KDM8: variants seen among roughly 807,000 people sequenced by gnomAD.
The protein encoded by KDM8 is lysine demethylase 8.
In KDM8, 35 loss-of-function variants were observed where a neutral mutation model predicts 46.9. The ratio of observed to expected loss-of-function variants is 0.75; its 90% CI spans 0.57 to 0.99. The LOEUF (loss-of-function observed/expected upper bound fraction) is 0.99. Ranked by LOEUF, KDM8 falls within the 50% of genes least tolerant of loss-of-function variation. The probability of loss-of-function intolerance (pLI) is 0.00; values close to 1 mark genes in which losing one functional copy is unlikely to be tolerated. For synonymous variants in KDM8, 232 were observed against 227.7 expected (o/e 1.02, Z -0.17); for missense variants, 475 against 537.0 (o/e 0.88, Z 1.14).
At chr16:27,209,052 G>A (rs773856358) in intron 1 of KDM8, among the ~76,000 whole-genome samples, 1 of 152,166 alleles carries the variant, frequency 6.6e-6, no homozygotes, top group Non-Finnish European at 1.5e-5. Flanking sequence ...GCTTAACCTC[G>A]AAATCTCAGT....
intron 1 of KDM8, chr16:27,206,226 C>T (rs2140960925): frequency 1.0e-6 from 1 of 983,946 alleles, no homozygotes; most frequent in Non-Finnish European, 1.2e-6. Flanking sequence ...TTGACTCCCT[C>T]CTTTGGAAGC....
chr16:27,210,979 A>C (rs895755562), intron 2 of KDM8, among the ~76,000 whole-genome samples: 5 of 152,086 alleles, frequency 3.3e-5, no homozygotes, highest in Admixed American at 1.3e-4. Flanking sequence ...ATAGGGTCTC[A>C]TGTTTCTCAG....
chr16:27,213,844 C>A, intron 3 of KDM8, 93 bp downstream of exon 3: 3 of 1,313,886 alleles, frequency 2.3e-6, no homozygotes, highest in Non-Finnish European at 2.1e-6. Context: ...CAGGGAAATG[C>A]AACCTTGTAG....
intron 2 of KDM8, chr16:27,211,331 G>A (rs1352265743): frequency 5.1e-6 from 2 of 395,796 alleles, no homozygotes; most frequent in Non-Finnish European, 1.0e-5. Context: ...CTCTGCTCCT[G>A]GGTTTGGATG....
At chr16:27,211,240 G>C in intron 2 of KDM8, 2 of 446,148 alleles carry the variant, frequency 4.5e-6, no homozygotes, top group Non-Finnish European at 9.0e-6. Flanking sequence ...TGCAGCCAGC[G>C]GCAGCCCGTT....
At chr16:27,217,645 C>G (rs1567266131) in intron 5 of KDM8, among the ~76,000 whole-genome samples, 1 of 152,178 alleles carries the variant, frequency 6.6e-6, no homozygotes, top group Non-Finnish European at 1.5e-5. Flanking sequence ...GACCAAGCTC[C>G]CTGCAGGGAG....
intron 6 of KDM8, among the ~76,000 whole-genome samples, 182 bp downstream of exon 6, chr16:27,219,292 C>CG (rs2083590624): frequency 6.6e-6 from 1 of 152,242 alleles, no homozygotes; most frequent in Admixed American, 6.5e-5. Context: ...CCTCTGCAGT[C>CG]GGTGCTTCCA....
chr16:27,204,412 G>T, intron 1 of KDM8: 1 of 1,170,624 alleles, frequency 8.5e-7, no homozygotes, highest in Non-Finnish European at 1.1e-6. Flanking sequence ...CCTGTGCCAT[G>T]AATTAAAGCT....
chr16:27,221,144 C>G lies in KDM8; in HGVS notation c.*414C>G. ...GCTGGGTGACTTGGCCAGGATCCCC[C>G]ACTTCGCTGTGCCCATATGGAAAAG... is the stretch of plus-strand genomic sequence containing the variant. On this transcript the variant is annotated 3_prime_UTR_variant, in exon 8 of 8. Coordinates refer to ENST00000286096, the MANE Select transcript of KDM8 (RefSeq NM_024773.3). 1 of 343,840 alleles carries G rather than the reference C, an allele frequency of 2.9e-6. No individual in the cohort carries two copies. The highest frequency in any genetic ancestry group is 7.5e-5 in the East Asian group (1 of 13,390). 21.3% of individuals were successfully genotyped at this position (343,840 alleles called of 1,614,324 possible). A position where few individuals can be genotyped will look rare whatever the true frequency, so the allele number is the denominator to read the frequency against.
At position 27,210,454 on chromosome 16, in the gene KDM8, G is replaced by T. The variant is rs959825071; in HGVS notation, c.331G>T (p.Glu111Ter). The change falls in exon 2 of 8, where the codon GAG becomes TAG. Residue 111 changes from glutamate (E) to a stop codon, truncating the protein, a stop_gained. Transcript: ENST00000286096. LOFTEE classifies it high-confidence loss of function. ...LKALCLCQAP[E>*]DANTVAAALR... ...AGCCCTGTGTCTGTGCCAGGCACCT[G>T]AGGATGCCAACACTGTGGCCGCAGC... The T allele has an allele frequency of 1.9e-6, 3 of 1,597,414 alleles. No individual in the cohort carries two copies. Among genetic ancestry groups the T allele is most frequent in the Non-Finnish European group, 2.6e-6 (3 of 1,168,402 alleles).
At chr16:27,213,870 C>T (rs1336157441) in intron 3 of KDM8, 119 bp downstream of exon 3, 2 of 968,958 alleles carry the variant, frequency 2.1e-6, no homozygotes, top group Non-Finnish European at 3.0e-6. Flanking sequence ...TCACTAGCAG[C>T]CCTTGACTGA....
rs1366464522 is a variant in KDM8, at chr16:27,210,228, G to A, written c.105G>A (p.Leu35=). 1 of 1,613,316 alleles carries A rather than the reference G, an allele frequency of 6.2e-7. No individual in the cohort carries two copies. Among genetic ancestry groups the A allele is most frequent in the Non-Finnish European group, 8.5e-7 (1 of 1,180,042 alleles). ...CGCACAGTAAAGAAGACCTGAAGTTGGACCTCGGGGAGAAAGTGGAGAGGA... is the reference window on the plus strand; with the variant it reads ...CGCACAGTAAAGAAGACCTGAAGTTAGACCTCGGGGAGAAAGTGGAGAGGA... ...LLPHSKEDLK[L]DLGEKVERSV... is the part of the protein sequence containing the mutation. Residue 35 remains leucine, a synonymous_variant, in exon 2 of 8, where the codon TTG becomes TTA. Transcript: ENST00000286096.
At chr16:27,217,048 A>C (rs1263994519) in intron 5 of KDM8, among the ~76,000 whole-genome samples, 2 of 152,174 alleles carry the variant, frequency 1.3e-5, no homozygotes, top group Admixed American at 6.5e-5. Flanking sequence ...GTTTCGGGTA[A>C]TGGAGGGCCG....
chr16:27,212,345 C>T (rs912477919), intron 2 of KDM8, among the ~76,000 whole-genome samples: 1 of 152,200 alleles, frequency 6.6e-6, no homozygotes, highest in Non-Finnish European at 1.5e-5. Context: ...CACCATGTGG[C>T]CAAGGGCATG....
chr16:27,204,471 T>A, intron 1 of KDM8: 1 of 678,980 alleles, frequency 1.5e-6, no homozygotes, highest in Non-Finnish European at 2.1e-6. Context: ...GAAGCTCTTG[T>A]TTTTGCACAA....
chr16:27,221,141 C>A lies in KDM8; in HGVS notation c.*411C>A. The A allele has an allele frequency of 2.9e-6, 1 of 344,152 alleles. No individual in the cohort carries two copies. The highest frequency in any genetic ancestry group is 2.3e-5 in the South Asian group (1 of 43,450). 21.3% of individuals were successfully genotyped at this position (344,152 alleles called of 1,614,324 possible). On this transcript the variant is annotated 3_prime_UTR_variant, in exon 8 of 8. Transcript: ENST00000286096. ...CCTGCTGGGTGACTTGGCCAGGATC[C>A]CCCACTTCGCTGTGCCCATATGGAA...
At position 27,214,877 on chromosome 16, in the gene KDM8, T is replaced by C; in HGVS notation, c.667T>C (p.Leu223=). Residue 223 remains leucine, a splice_region_variant and synonymous_variant, in exon 4 of 8, where the codon TTG becomes CTG. Coordinates refer to ENST00000286096, the MANE Select transcript of KDM8 (RefSeq NM_024773.3). ...DHWPCMQKWS[L]EYIQEIAGCR... ...TGCCAATGTGTGTCTTTCTGCTAGTTTGGAGTATATCCAGGAGATCGCTGG... is the reference window on the plus strand; with the variant it reads ...TGCCAATGTGTGTCTTTCTGCTAGTCTGGAGTATATCCAGGAGATCGCTGG... 3.7e-6 allele frequency: 6 copies of C among 1,614,176 alleles called. No homozygotes were observed. Among genetic ancestry groups the C allele is most frequent in the Non-Finnish European group, 5.1e-6 (6 of 1,179,998 alleles).
Position 27,220,546 on chromosome 16 carries a change from A to T in KDM8, c.1087-20A>T. The T allele has an allele frequency of 6.2e-7, 1 of 1,614,138 alleles. No individual in the cohort carries two copies. Among genetic ancestry groups the T allele is most frequent in the Non-Finnish European group, 8.5e-7 (1 of 1,180,026 alleles). On this transcript the variant is annotated intron_variant, in intron 7 of 7. Transcript: ENST00000286096. Reference sequence around the variant, plus strand: ...CTCCCCACTGCCCCTGGAGATGATGACGTCCTTTGCTTTCTTCAGGTTGAC... The same window carrying T: ...CTCCCCACTGCCCCTGGAGATGATGTCGTCCTTTGCTTTCTTCAGGTTGAC...
At position 27,214,975 on chromosome 16, in the gene KDM8, C is replaced by T. The variant is rs780854449; in HGVS notation, c.765C>T (p.Val255=). The change falls in exon 4 of 8, where the codon GTC becomes GTT. Residue 255 remains valine (V), a synonymous_variant. Coordinates refer to ENST00000286096, the MANE Select transcript of KDM8 (RefSeq NM_024773.3). ...AATGGTCCCAGACCCTCATGACGGT[C>T]AACGAGTTCATCAGCAAATACATCG... ...DEEWSQTLMT[V]NEFISKYIVN... is the part of the protein sequence containing the mutation. 15 of 1,614,144 alleles carry T rather than the reference C, an allele frequency of 9.3e-6. No individual in the cohort carries two copies. The South Asian group carries it at 1.2e-4, about 13-fold the overall frequency.
Sources: gnomAD v4.1 joint callset for allele counts (sites outside exome capture counted in the v4.1 genomes callset) on GRCh38, gnomAD v4.1.1 for gene constraint, MANE v1.5 for transcripts, NCBI Gene and HGNC (gene_info 2026-07-23, HGNC 2026-07-21) for gene names.